BRF1: variants seen among roughly 807,000 people sequenced by gnomAD.
The protein encoded by BRF1 is BRF1 general transcription factor IIIB subunit.
In BRF1, 59 loss-of-function variants were observed where a neutral mutation model predicts 81.7. The ratio of observed to expected loss-of-function variants is 0.72; its 90% CI spans 0.59 to 0.90. The LOEUF is 0.90. Ranked by LOEUF, BRF1 falls within the 40% of genes least tolerant of loss-of-function variation. The pLI, the probability that BRF1 is intolerant of heterozygous loss-of-function variation, is 0.00. For synonymous variants in BRF1, 491 were observed against 395.6 expected, an observed-to-expected ratio of 1.24 and a Z score of -2.86; for missense variants, 1,050 against 936.3, an observed-to-expected ratio of 1.12 and a Z score of -1.58.
At position 105,269,097 on chromosome 14, in the gene BRF1, C is replaced by T. The variant is rs1056450129; in HGVS notation, c.439+3624G>A. Reference sequence around the variant, plus strand: ...AGAAAACAAGGAGGGCGGTGAGAGACGGAGACGTGTCCAGGATGGGTCTGG... The same window carrying T: ...AGAAAACAAGGAGGGCGGTGAGAGATGGAGACGTGTCCAGGATGGGTCTGG... On this transcript the variant is annotated intron_variant, in intron 3 of 17. Coordinates refer to ENST00000547530, the MANE Select transcript of BRF1 (RefSeq NM_001519.4). This position sits in a 1 kb window ranked among gnomAD's most constrained non-coding sequence, Gnocchi z 5.0. 2.0e-5 allele frequency among the ~76,000 whole-genome samples: 3 copies of T among 152,118 alleles called. No homozygotes were observed. The highest frequency in any genetic ancestry group is 7.2e-5 in the African/African-American group (3 of 41,424).
chr14:105,294,168 C>A (rs759226411), intron 1 of BRF1, among the ~76,000 whole-genome samples: 1 of 152,190 alleles, frequency 6.6e-6, no homozygotes, highest in South Asian at 2.1e-4. Flanking sequence ...TCCCCACTCT[C>A]GGCCCAGGCA....
intron 1 of BRF1, among the ~76,000 whole-genome samples, chr14:105,294,004 G>A (rs1372641917): frequency 6.6e-6 from 1 of 152,196 alleles, no homozygotes; most frequent in African/African-American, 2.4e-5. Flanking sequence ...GGCGGCTGGG[G>A]CCTACTTGTG....
intron 3 of BRF1, among the ~76,000 whole-genome samples, chr14:105,267,860 A>G (rs1331278808): frequency 6.6e-6 from 1 of 152,246 alleles, no homozygotes; most frequent in African/African-American, 2.4e-5. Context: ...CTGAATGCAC[A>G]TGGCCCCTGC....
rs1890196369 is a variant in BRF1, at chr14:105,212,004, GC to G, written c.1824+108del. ...CAAGTATGGGGCAGCAGGGGCAGGC[GC>G]CTCTGTCAGGCCTGCTCTCCCTGTG... On this transcript the variant is annotated intron_variant, in intron 16 of 17. Transcript: ENST00000547530. The G allele has an allele frequency of 2.0e-6, 3 of 1,464,346 alleles. 1 individual carries two copies. In the South Asian group the frequency reaches 3.6e-5, roughly 18 times the overall value. 90.7% of individuals were successfully genotyped at this position (1,464,346 alleles called of 1,614,324 possible).
At chr14:105,245,564 A>G (rs2055033837) in intron 5 of BRF1, among the ~76,000 whole-genome samples, 1 of 144,792 alleles carries the variant, frequency 6.9e-6, no homozygotes, top group African/African-American at 2.5e-5. Context: ...CTACAGACCA[A>G]CAGAACAGAA....
chr14:105,313,665 G>A (rs757870868), intron 1 of BRF1, among the ~76,000 whole-genome samples: 22 of 152,276 alleles, frequency 1.4e-4, no homozygotes, highest in Non-Finnish European at 2.9e-4. Context: ...ACCAGCTCCA[G>A]GTCAATTTGC....
chr14:105,272,586 A>T, intron 3 of BRF1, 135 bp downstream of exon 3: 1 of 1,159,734 alleles, frequency 8.6e-7, no homozygotes, highest in Non-Finnish European at 1.2e-6. Context: ...ATCAACTGAA[A>T]CAGTTCTTCC....
At chr14:105,243,621 A>G (rs587601004) in intron 5 of BRF1, among the ~76,000 whole-genome samples, 1 of 151,852 alleles carries the variant, frequency 6.6e-6, no homozygotes, top group South Asian at 2.1e-4. Context: ...AAGAGAGAGA[A>G]AGAAAAAGAT....
chr14:105,246,946 C>G, intron 5 of BRF1: 15 of 985,434 alleles, frequency 1.5e-5, no homozygotes, highest in Non-Finnish European at 1.7e-5. Flanking sequence ...TAAGTTATTC[C>G]TTCTCACTGC....
Position 105,300,655 on chromosome 14 carries a change from G to A in BRF1, c.-26C>T, listed in dbSNP as rs1419558060. 3.0e-6 allele frequency: 4 copies of A among 1,344,204 alleles called. No homozygotes were observed. In the South Asian group the frequency reaches 7.8e-5, roughly 26 times the overall value. The allele number at this position is 1,344,204 out of a possible 1,614,324, so 83.3% of individuals were successfully genotyped here. On this transcript the variant is annotated 5_prime_UTR_variant, in exon 1 of 18. Transcript: ENST00000547530. The stretch of plus-strand genomic sequence containing the variant: ...GCCGGCGACCGCGCGGGCAGCGCCC[G>A]GAGCCTCCCAAGACTCTCAAGCCAC...
intron 4 of BRF1, among the ~76,000 whole-genome samples, chr14:105,255,083 C>G (rs587751243): frequency 6.6e-6 from 1 of 152,314 alleles, no homozygotes; most frequent in East Asian, 1.9e-4. Context: ...AGTGAACAAC[C>G]TGGGTCTGCC....
intron 6 of BRF1, among the ~76,000 whole-genome samples, chr14:105,229,420 T>C (rs1595334549): frequency 6.6e-6 from 1 of 152,228 alleles, no homozygotes; most frequent in Non-Finnish European, 1.5e-5. Context: ...GGGATGCCGG[T>C]ACCTGGCCTG....
At chr14:105,261,083 G>A (rs2056129054) in intron 3 of BRF1, among the ~76,000 whole-genome samples, 1 of 152,236 alleles carries the variant, frequency 6.6e-6, no homozygotes, top group African/African-American at 2.4e-5. Flanking sequence ...AGTCTGCAGA[G>A]AAGAGGCCCT....
chr14:105,302,077 T>C (rs1339097893), upstream of BRF1, among the ~76,000 whole-genome samples: 1 of 150,954 alleles, frequency 6.6e-6, no homozygotes, highest in Non-Finnish European at 1.5e-5. Context: ...AGGTGGAGGT[T>C]GCAGTGAGCT....
rs1232560719 is a variant in BRF1, at chr14:105,284,702, C to A, written c.265+1594G>T. ...CCTGCCTGGACTGACCCACGGCCAA[C>A]CCACACTCAATGGTGAAGACTGGAT... On this transcript the variant is annotated intron_variant, in intron 2 of 17. Transcript: ENST00000547530. This position sits in a 1 kb window ranked among gnomAD's most constrained non-coding sequence, Gnocchi z 4.0. 6.6e-6 allele frequency among the ~76,000 whole-genome samples: 1 copy of A among 152,142 alleles called. No individual in the cohort carries two copies. Among genetic ancestry groups the A allele is most frequent in the African/African-American group, 2.4e-5 (1 of 41,432 alleles).
At chr14:105,218,120 C>G (rs1050356452) in intron 14 of BRF1, among the ~76,000 whole-genome samples, 1 of 152,214 alleles carries the variant, frequency 6.6e-6, no homozygotes, top group Admixed American at 6.5e-5. Context: ...GGCAGGGCCA[C>G]ATGCACACGG....
At chr14:105,212,739 C>G (rs1180691994) in intron 15 of BRF1, 1 of 153,568 alleles carries the variant, frequency 6.5e-6, no homozygotes, top group Non-Finnish European at 1.4e-5. Flanking sequence ...CACGGACACA[C>G]AGGGCTGTCG....
At chr14:105,297,276 G>GA (rs1337456598) in intron 1 of BRF1, among the ~76,000 whole-genome samples, 1 of 152,020 alleles carries the variant, frequency 6.6e-6, no homozygotes, top group East Asian at 1.9e-4. Context: ...ATTCAACATA[G>GA]AAAAAATGTC....
At chr14:105,280,381 T>C (rs1302488589) in intron 2 of BRF1, among the ~76,000 whole-genome samples, 1 of 152,134 alleles carries the variant, frequency 6.6e-6, no homozygotes, top group Non-Finnish European at 1.5e-5. Flanking sequence ...GAAGGAGGGA[T>C]GAATGGGTGG....
Sources: gnomAD v4.1 joint callset for allele counts (sites outside exome capture counted in the v4.1 genomes callset) on GRCh38, gnomAD v4.1.1 for gene constraint, Gnocchi (gnomAD v3.1) non-coding constraint, MANE v1.5 for transcripts, NCBI Gene and HGNC (gene_info 2026-07-23, HGNC 2026-07-21) for gene names.